AGMO: variants seen among roughly 807,000 people sequenced by gnomAD.
The protein encoded by AGMO is alkylglycerol monooxygenase.
AGMO carries 75 observed loss-of-function variants against 60.2 expected under a neutral mutation model. The observed-to-expected ratio is 1.25, with a 90% confidence interval of 1.03 to 1.51. The LOEUF is 1.51. Ranked by LOEUF, AGMO falls within the 40% of genes most tolerant of loss-of-function variation. The probability of loss-of-function intolerance (pLI) is 0.00; values close to 1 mark genes in which losing one functional copy is unlikely to be tolerated. For missense variants in AGMO, 763 were observed against 525.5 expected (o/e 1.45, Z -4.42); for synonymous variants, 261 against 177.1 (o/e 1.47, Z -3.76).
At chr7:15,320,545 A>C (rs1781077274) in intron 12 of AGMO, among the ~76,000 whole-genome samples, 1 of 152,136 alleles carries the variant, frequency 6.6e-6, no homozygotes, top group Admixed American at 6.6e-5. Context: ...TAAAAGATTC[A>C]CATGGCATCT....
At chr7:15,346,980 G>T (rs977846326) in intron 12 of AGMO, among the ~76,000 whole-genome samples, 8 of 151,844 alleles carry the variant, frequency 5.3e-5, no homozygotes, top group African/African-American at 1.9e-4. Flanking sequence ...ACATTAAGAT[G>T]AATCAAACTT....
chr7:15,428,427 C>A (rs1237353852), intron 4 of AGMO, among the ~76,000 whole-genome samples: 4 of 152,154 alleles, frequency 2.6e-5, no homozygotes, highest in Admixed American at 6.6e-5. Flanking sequence ...CATTCCCTAA[C>A]AACATGGCAT....
At chr7:15,474,954 C>A (rs560665280) in intron 3 of AGMO, among the ~76,000 whole-genome samples, 13 of 152,196 alleles carry the variant, frequency 8.5e-5, no homozygotes, top group African/African-American at 2.6e-4. Context: ...CTCATCATCC[C>A]TGGTCATTAG....
At chr7:15,447,314 A>C (rs1366642417) in intron 3 of AGMO, among the ~76,000 whole-genome samples, 2 of 152,174 alleles carry the variant, frequency 1.3e-5, no homozygotes, top group Non-Finnish European at 1.5e-5. Context: ...TTTAGAAGTA[A>C]TTTCTACATT....
intron 12 of AGMO, among the ~76,000 whole-genome samples, chr7:15,275,622 C>T (rs1783759539): frequency 6.6e-6 from 1 of 152,028 alleles, no homozygotes; most frequent in African/African-American, 2.4e-5. Flanking sequence ...TAATAATCTG[C>T]CTTCTGTCAC....
At chr7:15,291,702 T>C (rs529525502) in intron 12 of AGMO, among the ~76,000 whole-genome samples, 1 of 152,256 alleles carries the variant, frequency 6.6e-6, no homozygotes, top group South Asian at 2.1e-4. Flanking sequence ...ATACCTAGCC[T>C]AACAGGATTC....
chr7:15,388,924 G>A (rs1472248365), intron 8 of AGMO, among the ~76,000 whole-genome samples: 2 of 152,104 alleles, frequency 1.3e-5, no homozygotes, highest in African/African-American at 2.4e-5. Context: ...AATGTGAGGG[G>A]GAAAGACCTA....
chr7:15,386,324 T>C (rs895232002), intron 9 of AGMO, among the ~76,000 whole-genome samples: 28 of 152,238 alleles, frequency 1.8e-4, no homozygotes, highest in Admixed American at 1.8e-3. Context: ...ACGTTTCTAC[T>C]CTAGCATTTA....
At chr7:15,382,364 G>T (rs1486342362) in intron 10 of AGMO, among the ~76,000 whole-genome samples, 1 of 152,124 alleles carries the variant, frequency 6.6e-6, no homozygotes, top group African/African-American at 2.4e-5. Flanking sequence ...CTCGGGGGAA[G>T]TGAGTACCAC....
At chr7:15,346,659 C>G (rs1474454477) in intron 12 of AGMO, among the ~76,000 whole-genome samples, 1 of 150,404 alleles carries the variant, frequency 6.6e-6, no homozygotes, top group Non-Finnish European at 1.5e-5. Context: ...TCAGAAATAT[C>G]CAACCATTTT....
At chr7:15,294,281 C>G (rs921044686) in intron 12 of AGMO, among the ~76,000 whole-genome samples, 1 of 151,830 alleles carries the variant, frequency 6.6e-6, no homozygotes, top group Admixed American at 6.6e-5. Flanking sequence ...CTATAACATG[C>G]TAGAAATATT....
intron 5 of AGMO, among the ~76,000 whole-genome samples, chr7:15,416,820 T>G (rs548435865): frequency 6.6e-6 from 1 of 152,304 alleles, no homozygotes; most frequent in Admixed American, 6.5e-5. Flanking sequence ...TACTTTTTAC[T>G]TATTAATCTG....
intron 12 of AGMO, among the ~76,000 whole-genome samples, chr7:15,349,897 C>T (rs542245503): frequency 1.3e-5 from 2 of 152,224 alleles, no homozygotes; most frequent in East Asian, 1.9e-4. Context: ...CTTACTGGGT[C>T]CCCTCCTATG....
intron 3 of AGMO, among the ~76,000 whole-genome samples, chr7:15,537,260 G>A (rs1784505708): frequency 6.6e-6 from 1 of 152,008 alleles, no homozygotes; most frequent in Non-Finnish European, 1.5e-5. Context: ...GCTAGAAGAT[G>A]AGTAAAATAC....
the AGMO span, among the ~76,000 whole-genome samples, chr7:15,178,081 T>C: frequency 6.6e-6 from 1 of 152,170 alleles, no homozygotes; most frequent in Non-Finnish European, 1.5e-5. Flanking sequence ...GTTCAATCCT[T>C]ATTAGTAGTA....
At chr7:15,192,817 A>G in the AGMO span, among the ~76,000 whole-genome samples, 2 of 152,186 alleles carry the variant, frequency 1.3e-5, no homozygotes, top group African/African-American at 4.8e-5. Flanking sequence ...GGAGCCAAGC[A>G]AACTAGCCAC....
chr7:15,503,995 A>C (rs1783449953), intron 3 of AGMO, among the ~76,000 whole-genome samples: 1 of 152,006 alleles, frequency 6.6e-6, no homozygotes, highest in South Asian at 2.1e-4. Flanking sequence ...TTATGTCTTG[A>C]ATTGTCCTCA....
At chr7:15,161,899 A>G in the AGMO span, among the ~76,000 whole-genome samples, 2 of 152,074 alleles carry the variant, frequency 1.3e-5, no homozygotes, top group African/African-American at 4.8e-5. Context: ...TCAGAAGGTT[A>G]ACTTCAGATA....
Position 15,366,353 on chromosome 7 carries a change from A to G in AGMO, c.1075-131T>C, listed in dbSNP as rs961653776. On this transcript the variant is annotated intron_variant, in intron 10 of 12. Transcript: ENST00000342526. ...CACTTGTCATTGACACTTTACAGAAAGCTTGACTACACAGAAAACATTTTG... is the reference window on the plus strand; with the variant it reads ...CACTTGTCATTGACACTTTACAGAAGGCTTGACTACACAGAAAACATTTTG... 5.0e-5 allele frequency: 27 copies of G among 542,700 alleles called. No individual in the cohort carries two copies. In the African/African-American group the frequency reaches 5.1e-4, roughly 10 times the overall value. The allele number at this position is 542,700 out of a possible 1,614,324, so 33.6% of individuals were successfully genotyped here. A position where few individuals can be genotyped will look rare whatever the true frequency, so the allele number is the denominator to read the frequency against.
Sources: allele counts gnomAD v4.1 joint callset (sites outside exome capture counted in the v4.1 genomes callset), GRCh38; gene constraint gnomAD v4.1.1; transcripts MANE v1.5; gene names NCBI Gene and HGNC (gene_info 2026-07-23, HGNC 2026-07-21).